EML1: variants seen among roughly 807,000 people sequenced by gnomAD.
EML1 encodes the protein EMAP like 1.
Under a neutral mutation model 110.4 loss-of-function variants are expected in EML1, and 27 were observed. The ratio of observed to expected loss-of-function variants is 0.24; its 90% CI spans 0.18 to 0.34. The LOEUF (loss-of-function observed/expected upper bound fraction) is 0.34. EML1 is among the 10% of genes least tolerant of loss of function. The pLI, the probability that EML1 is intolerant of heterozygous loss-of-function variation, is 1.00. For synonymous variants in EML1, 344 were observed against 385.8 expected (o/e 0.89, Z 1.27); for missense variants, 741 against 1,030.9 (o/e 0.72, Z 3.85).
At chr14:99,763,156 C>T (rs1050736931) in intron 1 of EML1, among the ~76,000 whole-genome samples, 3 of 152,220 alleles carry the variant, frequency 2.0e-5, no homozygotes, top group Non-Finnish European at 2.9e-5. Flanking sequence ...ATGTGACTTG[C>T]TCCTCCTTGC....
chr14:99,926,849 T>C (rs747623165), intron 17 of EML1, among the ~76,000 whole-genome samples: 10 of 151,694 alleles, frequency 6.6e-5, no homozygotes, highest in Non-Finnish European at 1.5e-4. Context: ...GCTCAAGCAA[T>C]CCTCCCACCT....
Position 99,737,844 on chromosome 14 carries a change from C to T in EML1, c.12C>T (p.Gly4=), listed in dbSNP as rs115384927. 7.6e-3 allele frequency: 9,805 copies of T among 1,289,224 alleles called. 378 individuals are homozygous for T. The African/African-American group carries it at 0.1, about 13-fold the overall frequency. 79.9% of individuals were successfully genotyped at this position (1,289,224 alleles called of 1,614,324 possible). A position where few individuals can be genotyped will look rare whatever the true frequency, so the allele number is the denominator to read the frequency against. Reference sequence around the variant, plus strand: ...CCATCTTCCACACCATGTCGGACGGCGAGGGCCCCTCCGCCGGTGAGTGGC... The same window carrying T: ...CCATCTTCCACACCATGTCGGACGGTGAGGGCCCCTCCGCCGGTGAGTGGC... The change falls in exon 1 of 11, where the codon GGC becomes GGT. Residue 4 remains glycine (G), a synonymous_variant. Transcript: ENST00000554479.
chr14:99,755,021 G>T (rs573759148), intron 1 of EML1, among the ~76,000 whole-genome samples: 2 of 152,228 alleles, frequency 1.3e-5, no homozygotes, highest in Non-Finnish European at 2.9e-5. Context: ...TGAGAAGGAG[G>T]CCCAGCATCC....
chr14:99,763,452 A>G (rs531946284), intron 1 of EML1, among the ~76,000 whole-genome samples: 1 of 152,280 alleles, frequency 6.6e-6, no homozygotes, highest in Admixed American at 6.5e-5. Flanking sequence ...AGGCACCTTC[A>G]CAAGGTATTT....
chr14:99,913,389 C>A (rs1364253747), intron 13 of EML1, among the ~76,000 whole-genome samples: 4 of 151,908 alleles, frequency 2.6e-5, no homozygotes, highest in Admixed American at 2.6e-4. Flanking sequence ...ATTGCCCAGG[C>A]TGGTCTAGAA....
At chr14:99,822,200 G>T (rs182338618) in intron 1 of EML1, among the ~76,000 whole-genome samples, 4,751 of 139,360 alleles carry the variant, frequency 0.034, 93 homozygotes, top group Non-Finnish European at 0.041. Flanking sequence ...TAGGACATAT[G>T]TTTTTTTTTA....
At chr14:99,845,258 G>A (rs1299276725) in intron 1 of EML1, among the ~76,000 whole-genome samples, 1 of 152,150 alleles carries the variant, frequency 6.6e-6, no homozygotes, top group African/African-American at 2.4e-5. Flanking sequence ...TTTCCATAAT[G>A]ACTAATGATG....
intron 1 of EML1, chr14:99,809,526 A>G: frequency 2.5e-6 from 1 of 406,220 alleles, no homozygotes; most frequent in South Asian, 1.8e-5. Context: ...CCTGGTCGGC[A>G]CCCTGGGAAC....
chr14:99,737,816 C>G, exon 1 of EML1: 1 of 1,289,274 alleles, frequency 7.8e-7, no homozygotes, highest in Non-Finnish European at 1.0e-6. Flanking sequence ...GCCAGCCGGC[C>G]GCCCATCTTC....
chr14:99,828,256 T>G (rs1484171902), intron 1 of EML1, among the ~76,000 whole-genome samples: 2 of 152,208 alleles, frequency 1.3e-5, no homozygotes, highest in Admixed American at 6.5e-5. Flanking sequence ...ATGGAAAATT[T>G]CAGAAATAAG....
At chr14:99,787,769 T>C (rs1049244420) in intron 1 of EML1, among the ~76,000 whole-genome samples, 5 of 150,984 alleles carry the variant, frequency 3.3e-5, no homozygotes, top group Non-Finnish European at 1.5e-5. Flanking sequence ...GGCCATCTCC[T>C]CCCTGTGTCT....
At chr14:99,755,105 G>A (rs557409368) in intron 1 of EML1, among the ~76,000 whole-genome samples, 20 of 152,382 alleles carry the variant, frequency 1.3e-4, no homozygotes, top group African/African-American at 3.6e-4. Flanking sequence ...AAAGTCAGGC[G>A]TTGGTGCCTT....
At chr14:99,811,166 G>T (rs35846718) in intron 1 of EML1, among the ~76,000 whole-genome samples, 56,146 of 146,076 alleles carry the variant, frequency 0.38, 11,389 homozygotes, top group South Asian at 0.56. Context: ...TATAATAGGG[G>T]TTTTTTTTTT....
intron 1 of EML1, among the ~76,000 whole-genome samples, chr14:99,776,024 T>C (rs2076128656): frequency 6.6e-6 from 1 of 152,206 alleles, no homozygotes; most frequent in South Asian, 2.1e-4. Context: ...TGGCTGTCTT[T>C]TAAGAATATT....
intron 2 of EML1, among the ~76,000 whole-genome samples, chr14:99,855,704 C>T (rs1463817547): frequency 6.6e-6 from 1 of 152,124 alleles, no homozygotes; most frequent in Non-Finnish European, 1.5e-5. Flanking sequence ...CTTTAATATG[C>T]CTTTGCAACT....
intron 1 of EML1, among the ~76,000 whole-genome samples, chr14:99,826,049 T>C (rs2058346039): frequency 6.6e-6 from 1 of 151,990 alleles, no homozygotes; most frequent in Admixed American, 6.6e-5. Flanking sequence ...TCTTGTGAGG[T>C]TGACCTTTGT....
At chr14:99,824,469 A>G (rs55734210) in intron 1 of EML1, among the ~76,000 whole-genome samples, 1,630 of 151,192 alleles carry the variant, frequency 0.011, 12 homozygotes, top group Non-Finnish European at 0.016. Context: ...GGAAATGCAA[A>G]TCAAAATCAC....
chr14:99,764,479 G>A lies in EML1; in HGVS notation c.28+26619G>A, dbSNP rs572613106. Among the ~76,000 whole-genome samples the A allele has an allele frequency of 2.8e-3, 419 of 152,356 alleles. 2 individuals carry two copies. The highest frequency in any genetic ancestry group is 4.6e-3 in the Admixed American group (71 of 15,306). The stretch of plus-strand genomic sequence containing the variant: ...GTCTTCCCCACTGAAGTCTCCCTGG[G>A]TGATGTGCATTTCTGACAAGCTCCC... On this transcript the variant is annotated intron_variant, in intron 1 of 10. Coordinates refer to the EML1 transcript ENST00000554479.
At chr14:99,920,129 G>T (rs1249606049) in intron 16 of EML1, among the ~76,000 whole-genome samples, 1 of 152,124 alleles carries the variant, frequency 6.6e-6, no homozygotes, top group African/African-American at 2.4e-5. Flanking sequence ...GCACTTCCAT[G>T]TCCATTATCA....
Sources: gnomAD v4.1 joint callset for allele counts (sites outside exome capture counted in the v4.1 genomes callset) on GRCh38, gnomAD v4.1.1 for gene constraint, MANE v1.5 for transcripts, NCBI Gene and HGNC (gene_info 2026-07-23, HGNC 2026-07-21) for gene names.